HINFP: variants seen among roughly 807,000 people sequenced by gnomAD.
The protein encoded by HINFP is histone H4 transcription factor.
HINFP carries 20 observed loss-of-function variants against 50.1 expected under a neutral mutation model. The observed-to-expected ratio is 0.40, with a 90% CI of 0.28 to 0.58. The LOEUF (loss-of-function observed/expected upper bound fraction) is 0.58. Ranked by LOEUF, HINFP falls within the 20% of genes least tolerant of loss-of-function variation. The pLI is 0.45. For synonymous variants in HINFP, 247 were observed against 243.7 expected, an observed-to-expected ratio of 1.01 and a Z score of -0.13; for missense variants, 505 against 664.1, an observed-to-expected ratio of 0.76 and a Z score of 2.63.
At chr11:119,126,850 T>C in intron 1 of HINFP, 85 bp from the exon 2 acceptor site, 1 of 1,242,956 alleles carries the variant, frequency 8.0e-7, no homozygotes, top group Non-Finnish European at 1.1e-6. Context: ...GTGCTGATTC[T>C]AGGCAGGCTG....
chr11:119,125,572 G>A (rs1337669208), intron 1 of HINFP: 1 of 152,212 alleles, frequency 6.6e-6, no homozygotes, highest in East Asian at 1.9e-4. Context: ...AGTTACTTGG[G>A]AGGCTGAGGT....
At chr11:119,122,205 CA>C (rs1947106780) in intron 1 of HINFP, among the ~76,000 whole-genome samples, 1 of 152,124 alleles carries the variant, frequency 6.6e-6, no homozygotes, top group Non-Finnish European at 1.5e-5. Context: ...AGAGTAGAAA[CA>C]AGAGACACAG....
At position 119,132,572 on chromosome 11, in the gene HINFP, T is replaced by C. The variant is rs746300693; in HGVS notation, c.753T>C (p.His251=). ...TATTGCGGGACCACATGCGCAACCA[T>C]GGTGAGTGGCCTGCGGCCCACAGCC... The part of the protein sequence containing the change: ...ERLLRDHMRN[H]VNHYKCPLCD... Residue 251 remains histidine (H), a splice_region_variant and synonymous_variant, in exon 6 of 10, where the codon CAT becomes CAC. Transcript: ENST00000350777. 4 of 1,614,146 alleles carry C rather than the reference T, an allele frequency of 2.5e-6. No homozygotes were observed. Among genetic ancestry groups the C allele is most frequent in the South Asian group, 1.1e-5 (1 of 91,086 alleles).
rs773701911 is a variant in HINFP at position 119,134,191 on chromosome 11, G to T, written c.1247G>T (p.Gly416Val). ...LRQPQEGSGL[G>V]TSLNESSLQG... is the part of the protein sequence containing the mutation. Reference sequence around the variant, plus strand: ...CAACCACAAGAGGGATCGGGCCTGGGAACGTCGCTGAACGAGAGCAGCCTG... The same window carrying T: ...CAACCACAAGAGGGATCGGGCCTGGTAACGTCGCTGAACGAGAGCAGCCTG... Residue 416 changes from glycine to valine, a missense_variant, in exon 10 of 10, where the codon GGA becomes GTA. Physicochemically the swap from Gly to Val is moderately radical, Grantham distance 109 (BLOSUM62 -3). Coordinates refer to ENST00000350777, the MANE Select transcript of HINFP (RefSeq NM_198971.3). This position sits in a 1 kb window ranked among gnomAD's most constrained non-coding sequence, Gnocchi z 4.3. 6.2e-7 allele frequency: 1 copy of T among 1,614,248 alleles called. No homozygotes were observed. Among genetic ancestry groups the T allele is most frequent in the Non-Finnish European group, 8.5e-7 (1 of 1,180,050 alleles).
chr11:119,123,056 A>G (rs1338524898), intron 1 of HINFP, among the ~76,000 whole-genome samples: 2 of 127,332 alleles, frequency 1.6e-5, no homozygotes, highest in Non-Finnish European at 3.1e-5. Context: ...TGAACCTGGG[A>G]GGCGGAGGTT....
chr11:119,128,502 C>T (rs630427), intron 2 of HINFP, among the ~76,000 whole-genome samples: 1 of 148,768 alleles, frequency 6.7e-6, no homozygotes, highest in African/African-American at 2.5e-5. Context: ...TAGAGACAGG[C>T]TTTCACCATG....
At chr11:119,123,703 G>GC (rs1481498286) in intron 1 of HINFP, 3 of 136,002 alleles carry the variant, frequency 2.2e-5, no homozygotes, top group Non-Finnish European at 3.1e-5. Flanking sequence ...TACCACATCG[G>GC]CTGTTTTTTT....
chr11:119,130,718 T>C lies in HINFP; in HGVS notation c.182-7T>C, dbSNP rs778517942. On this transcript the variant is annotated splice_polypyrimidine_tract_variant and splice_region_variant and intron_variant, in intron 2 of 9. Coordinates refer to ENST00000350777, the MANE Select transcript of HINFP (RefSeq NM_198971.3). The stretch of plus-strand genomic sequence containing the variant: ...TCAGACTCTTCCTTTTAAACCCCTT[T>C]CTACAGAGGAAGAATTCTCCTGCTT... The C allele has an allele frequency of 1.2e-6, 2 of 1,613,414 alleles. No individual in the cohort carries two copies. Among genetic ancestry groups the C allele is most frequent in the African/African-American group, 2.7e-5 (2 of 74,920 alleles).
chr11:119,133,889 C>G, intron 9 of HINFP, 195 bp from the exon 10 acceptor site: 2 of 685,024 alleles, frequency 2.9e-6, no homozygotes, highest in Non-Finnish European at 4.8e-6. Context: ...TAAAACTTTC[C>G]ATTTTGAGTA....
chr11:119,135,006 T>A lies in HINFP; in HGVS notation c.*508T>A, dbSNP rs1947995499. The A allele has an allele frequency of 6.5e-6, 1 of 153,544 alleles. No homozygotes were observed. Among genetic ancestry groups the A allele is most frequent in the Non-Finnish European group, 1.5e-5 (1 of 68,676 alleles). 9.5% of individuals were successfully genotyped at this position (153,544 alleles called of 1,614,324 possible). A position where few individuals can be genotyped will look rare whatever the true frequency, so the allele number is the denominator to read the frequency against. On this transcript the variant is annotated 3_prime_UTR_variant, in exon 10 of 10. Transcript: ENST00000350777. ...GGGACAGGATTGGAGGCATTGAGCG[T>A]GTTTATTAACAAATTGTTTTTGGTA...
chr11:119,126,877 C>T, intron 1 of HINFP, 58 bp from the exon 2 acceptor site: 1 of 1,495,376 alleles, frequency 6.7e-7, no homozygotes, highest in Non-Finnish European at 9.0e-7. Context: ...CAGCTTTTTG[C>T]CCTCAGCAGC....
chr11:119,126,092 C>T (rs1433994917), intron 1 of HINFP: 1 of 152,224 alleles, frequency 6.6e-6, no homozygotes, highest in African/African-American at 2.4e-5. Flanking sequence ...GTGGCTCACA[C>T]CTATGATCCC....
At position 119,134,307 on chromosome 11, in the gene HINFP, G is replaced by C. The variant is rs1015796737; in HGVS notation, c.1363G>C (p.Ala455Pro). The C allele has an allele frequency of 6.2e-7, 1 of 1,614,180 alleles. No individual in the cohort carries two copies. The highest frequency in any genetic ancestry group is 1.3e-5 in the African/African-American group (1 of 75,046). The change falls in exon 10 of 10, where the codon GCC (alanine) becomes CCC (proline). Residue 455 changes from alanine to proline, a missense_variant. By Grantham distance (27) the Ala-to-Pro change is conservative (BLOSUM62 -1). Coordinates refer to ENST00000350777, the MANE Select transcript of HINFP (RefSeq NM_198971.3). The surrounding 1 kb of genome is among the most constrained non-coding windows in gnomAD (Gnocchi z 4.3). ...GGGTAGCGAAGGGACAGCCCTCTCA[G>C]CCTCTCAGGACAACCCCAGTTCTGT... Reference protein sequence around the residue: ...GKGSEGTALSASQDNPSSVIH... With the variant: ...GKGSEGTALSPSQDNPSSVIH...
intron 9 of HINFP, 58 bp downstream of exon 9, chr11:119,133,277 C>T (rs1565802203): frequency 6.2e-7 from 1 of 1,600,952 alleles, no homozygotes; most frequent in Non-Finnish European, 8.5e-7. Context: ...CCTTTTCAAC[C>T]AGTTTTAAAA....
intron 5 of HINFP, 63 bp from the exon 6 acceptor site, chr11:119,132,433 C>T: frequency 6.4e-7 from 1 of 1,561,536 alleles, no homozygotes; most frequent in Non-Finnish European, 8.8e-7. Flanking sequence ...TGGTTCCCCT[C>T]TCCTTTCTGT....
At chr11:119,129,298 C>T (rs1392664467) in intron 2 of HINFP, among the ~76,000 whole-genome samples, 2 of 151,964 alleles carry the variant, frequency 1.3e-5, no homozygotes, top group Non-Finnish European at 2.9e-5. Flanking sequence ...CTCGGCCTCC[C>T]AAAGTGTTGG....
chr11:119,125,804 TAGC>T (rs1303474807), intron 1 of HINFP: 1 of 152,232 alleles, frequency 6.6e-6, no homozygotes, highest in Non-Finnish European at 1.5e-5. Context: ...CAGAAGGTAT[TAGC>T]AGAGTGGTGG....
rs1363737480 is a variant in HINFP at position 119,131,924 on chromosome 11, C to T, written c.618C>T (p.Gly206=). The T allele has an allele frequency of 3.1e-6, 5 of 1,614,042 alleles. No homozygotes were observed. The Admixed American group carries it at 6.7e-5, about 22-fold the overall frequency. Residue 206 remains glycine, a synonymous_variant, in exon 5 of 10, where the codon GGC becomes GGT. Transcript: ENST00000350777. This position sits in a 1 kb window ranked among gnomAD's most constrained non-coding sequence, Gnocchi z 4.2. The part of the protein sequence containing the change: ...EKVVACPTCG[G]MFANNTKFLD... ...TGGTAGCCTGCCCCACCTGTGGGGG[C>T]ATGTTTGCCAACAATACCAAGTTCT... is the stretch of plus-strand genomic sequence containing the variant.
intron 2 of HINFP, among the ~76,000 whole-genome samples, chr11:119,127,976 C>T (rs1367041236): frequency 2.6e-5 from 4 of 151,982 alleles, no homozygotes; most frequent in Non-Finnish European, 5.9e-5. Context: ...CTGCCTCAGC[C>T]TCTTGTAGCT....
Sources: allele counts gnomAD v4.1 joint callset (sites outside exome capture counted in the v4.1 genomes callset), GRCh38; gene constraint gnomAD v4.1.1; non-coding constraint Gnocchi (gnomAD v3.1); transcripts MANE v1.5; gene names NCBI Gene and HGNC (gene_info 2026-07-23, HGNC 2026-07-21).